Variants in TJP1 observed in about 807,000 individuals in gnomAD.
TJP1 encodes tight junction protein 1.
Under a neutral mutation model 194.2 loss-of-function variants are expected in TJP1, and 43 were observed. That is an observed-to-expected ratio of 0.22 (90% CI 0.17 to 0.29). The LOEUF is 0.29. TJP1 is among the 10% of genes least tolerant of loss of function. The probability of loss-of-function intolerance (pLI) is 1.00; values close to 1 mark genes in which losing one functional copy is unlikely to be tolerated. For missense variants in TJP1, 1,971 were observed against 2,185.7 expected, an observed-to-expected ratio of 0.90 and a Z score of 1.96; for synonymous variants, 801 against 779.0, an observed-to-expected ratio of 1.03 and a Z score of -0.47.
In TJP1 at chr15:29,732,667, T is replaced by G; in HGVS notation, c.1885A>C (p.Lys629Gln). 3 of 1,614,094 alleles carry G rather than the reference T, an allele frequency of 1.9e-6. No homozygotes were observed. The highest frequency in any genetic ancestry group is 2.5e-6 in the Non-Finnish European group (3 of 1,180,008). Reference sequence around the variant, plus strand: ...ACCACTCTTTCATAAGCTGGAAACTTTGTTTGAACAGGCTGAGCGGACAAA... The same window carrying G: ...ACCACTCTTTCATAAGCTGGAAACTGTGTTTGAACAGGCTGAGCGGACAAA... ...EDLSAQPVQT[K>Q]FPAYERVVLR... Residue 629 changes from lysine (K) to glutamine (Q), a missense_variant, in exon 14 of 28, where the codon AAG (lysine) becomes CAG (glutamine). Physicochemically the swap from Lys to Gln is moderately conservative, Grantham distance 53 (BLOSUM62 1). Transcript: ENST00000614355.
chr15:29,856,483 G>A (rs1157748828), intron 2 of TJP1, among the ~76,000 whole-genome samples: 1 of 152,102 alleles, frequency 6.6e-6, no homozygotes, highest in Non-Finnish European at 1.5e-5. Flanking sequence ...GGGTATGAAA[G>A]CCTTTTGGGT....
At chr15:29,760,542 A>C (rs1405464154) in intron 8 of TJP1, among the ~76,000 whole-genome samples, 2 of 151,912 alleles carry the variant, frequency 1.3e-5, no homozygotes, top group Admixed American at 1.3e-4. Context: ...CTACCTGGCT[A>C]ATTTTTGTAT....
chr15:29,841,839 G>C (rs2152067663), intron 2 of TJP1, among the ~76,000 whole-genome samples: 1 of 151,962 alleles, frequency 6.6e-6, no homozygotes, highest in Non-Finnish European at 1.5e-5. Flanking sequence ...CATCGAATTA[G>C]AGTTTGTGGT....
chr15:29,831,131 CTG>C, intron 2 of TJP1, among the ~76,000 whole-genome samples: 1 of 152,188 alleles, frequency 6.6e-6, no homozygotes, highest in East Asian at 1.9e-4. Flanking sequence ...AGTCCGTACT[CTG>C]TAAGCTGTCA....
chr15:29,820,259 T>C (rs139426507), intron 1 of TJP1, among the ~76,000 whole-genome samples: 250 of 151,818 alleles, frequency 1.6e-3, no homozygotes, highest in Middle Eastern at 3.4e-3. Flanking sequence ...AGCATTTTAA[T>C]CACCTTCAAA....
At chr15:29,952,772 C>G (rs2055798136) in intron 2 of TJP1, among the ~76,000 whole-genome samples, 2 of 152,124 alleles carry the variant, frequency 1.3e-5, no homozygotes, top group South Asian at 4.1e-4. Context: ...CTTTGGCAGT[C>G]ATAGGGAGTC....
At chr15:29,744,196 T>C (rs1005591214) in intron 8 of TJP1, among the ~76,000 whole-genome samples, 4 of 152,082 alleles carry the variant, frequency 2.6e-5, no homozygotes, top group Admixed American at 2.0e-4. Flanking sequence ...GAAATCATAT[T>C]ATCATCCATG....
rs2050428159 is a variant in TJP1 at position 29,822,130 on chromosome 15, A to C, written c.-102T>G. On this transcript the variant is annotated 5_prime_UTR_variant, in exon 1 of 28. Coordinates refer to ENST00000614355, the MANE Select transcript of TJP1 (RefSeq NM_001330239.4). Reference sequence around the variant, plus strand: ...ACAGCCCAAATAAACATCTCCCGAGAGCGAGCGGGGCACGGGCGGGGGCGG... The same window carrying C: ...ACAGCCCAAATAAACATCTCCCGAGCGCGAGCGGGGCACGGGCGGGGGCGG... The C allele has an allele frequency of 8.3e-7, 1 of 1,200,060 alleles. No homozygotes were observed. The highest frequency in any genetic ancestry group is 1.0e-6 in the Non-Finnish European group (1 of 965,692). The allele number at this position is 1,200,060 out of a possible 1,614,324, so 74.3% of individuals were successfully genotyped here.
chr15:29,892,487 A>G (rs2053344831), intron 2 of TJP1, among the ~76,000 whole-genome samples: 2 of 152,246 alleles, frequency 1.3e-5, no homozygotes, highest in Non-Finnish European at 2.9e-5. Flanking sequence ...GATGCCATCT[A>G]GGACTTTCAT....
rs377439498 is a variant in TJP1, at chr15:29,742,777, G to A, written c.1015C>T (p.Arg339Trp). Residue 339 changes from arginine to tryptophan, a missense_variant, in exon 9 of 28, where the codon CGG becomes TGG. Physicochemically the swap from Arg to Trp is moderately radical, Grantham distance 101. Transcript: ENST00000614355. Reference protein sequence around the residue: ...SPQQPSNGSLRSRDEERISKP... With the variant: ...SPQQPSNGSLWSRDEERISKP... ...GAAATTCTCTCTTCATCTCTACTCCGGAGACTGTGTGTCATTAAAATAAAA... is the reference window on the plus strand; with the variant it reads ...GAAATTCTCTCTTCATCTCTACTCCAGAGACTGTGTGTCATTAAAATAAAA... 4.7e-5 allele frequency: 75 copies of A among 1,584,414 alleles called. No individual in the cohort carries two copies. The highest frequency in any genetic ancestry group is 3.4e-4 in the Middle Eastern group (2 of 5,962).
At chr15:29,879,541 C>A (rs2052848862) in intron 2 of TJP1, among the ~76,000 whole-genome samples, 1 of 152,146 alleles carries the variant, frequency 6.6e-6, no homozygotes, top group South Asian at 2.1e-4. Context: ...GTCGGGTGAA[C>A]TTTTACAGTG....
intron 1 of TJP1, among the ~76,000 whole-genome samples, chr15:29,960,697 G>T (rs1269934819): frequency 3.3e-5 from 5 of 151,034 alleles, no homozygotes; most frequent in Non-Finnish European, 7.4e-5. Flanking sequence ...GTGAAAATCA[G>T]CTCTGGACCT....
chr15:29,810,677 T>A (rs2049427351), intron 1 of TJP1, among the ~76,000 whole-genome samples: 1 of 152,168 alleles, frequency 6.6e-6, no homozygotes, highest in Non-Finnish European at 1.5e-5. Flanking sequence ...TCATAAGTGC[T>A]ATAAAGGGGT....
rs2050451687 is a variant in TJP1, at chr15:29,822,320, C to A, written c.-292G>T. ...GCTTTCGCAGCCCGGCCACGTCGGC[C>A]TCGCCCGGTCGCCCGCCCGTCAGCA... On this transcript the variant is annotated 5_prime_UTR_variant, in exon 1 of 28. It adds an upstream start codon to the 5' untranslated region. Coordinates refer to ENST00000614355, the MANE Select transcript of TJP1 (RefSeq NM_001330239.4). 1 of 1,092,320 alleles carries A rather than the reference C, an allele frequency of 9.2e-7. No individual in the cohort carries two copies. Among genetic ancestry groups the A allele is most frequent in the South Asian group, 4.5e-5 (1 of 22,288 alleles). The allele number at this position is 1,092,320 out of a possible 1,614,324, so 67.7% of individuals were successfully genotyped here. A position where few individuals can be genotyped will look rare whatever the true frequency, so the allele number is the denominator to read the frequency against.
At chr15:29,790,726 T>A (rs1374880395) in intron 2 of TJP1, among the ~76,000 whole-genome samples, 1 of 150,914 alleles carries the variant, frequency 6.6e-6, no homozygotes, top group East Asian at 1.9e-4. Flanking sequence ...ATCATTCTAC[T>A]CTCTGTCTCC....
At chr15:29,751,332 A>G (rs888981682) in intron 8 of TJP1, among the ~76,000 whole-genome samples, 1 of 152,236 alleles carries the variant, frequency 6.6e-6, no homozygotes, top group Admixed American at 6.5e-5. Flanking sequence ...TTTCTAAAAC[A>G]TACATGTGTT....
At chr15:29,876,579 G>C (rs1483594580) in intron 2 of TJP1, among the ~76,000 whole-genome samples, 1 of 151,970 alleles carries the variant, frequency 6.6e-6, no homozygotes, top group Non-Finnish European at 1.5e-5. Context: ...GCTATCATTA[G>C]TGTTAGTGTA....
At chr15:29,751,551 T>C (rs2076818752) in intron 8 of TJP1, among the ~76,000 whole-genome samples, 2 of 152,246 alleles carry the variant, frequency 1.3e-5, no homozygotes, top group Admixed American at 1.3e-4. Flanking sequence ...CAACTTTTAG[T>C]AAGAAACAAC....
chr15:29,907,556 T>C lies in TJP1; in HGVS notation c.306+48676A>G, dbSNP rs140042184. ...TTTCGGAGGTTTGTGTGATTTCTTA[T>C]ATTCGCCAACATTTCTACAATAAAC... On this transcript the variant is annotated intron_variant, in intron 2 of 28. Transcript: ENST00000356107. Among the ~76,000 whole-genome samples the C allele has an allele frequency of 1.9e-4, 29 of 152,354 alleles. 1 individual carries two copies. The highest frequency in any genetic ancestry group is 6.5e-4 in the African/African-American group (27 of 41,596).
Sources: allele counts gnomAD v4.1 joint callset (sites outside exome capture counted in the v4.1 genomes callset), GRCh38; gene constraint gnomAD v4.1.1; transcripts MANE v1.5; gene names NCBI Gene and HGNC (gene_info 2026-07-23, HGNC 2026-07-21).